Variants in FCSK observed in about 807,000 individuals in gnomAD.
FCSK encodes L-fucose kinase.
In FCSK, 123 loss-of-function variants were observed where a neutral mutation model predicts 122.5. The ratio of observed to expected loss-of-function variants is 1.00; its 90% CI spans 0.87 to 1.17. The LOEUF (loss-of-function observed/expected upper bound fraction) is 1.17. Ranked by LOEUF, FCSK falls within the 50% of genes most tolerant of loss-of-function variation. The probability of loss-of-function intolerance (pLI) is 0.00; values close to 1 mark genes in which losing one functional copy is unlikely to be tolerated. For synonymous variants in FCSK, 620 were observed against 625.5 expected, an observed-to-expected ratio of 0.99 and a Z score of 0.13; for missense variants, 1,366 against 1,450.4, an observed-to-expected ratio of 0.94 and a Z score of 0.95.
rs1348893135 is a variant in FCSK, at chr16:70,469,253, T to C, written c.885T>C (p.Asp295=). 1.2e-6 allele frequency: 2 copies of C among 1,613,662 alleles called. No individual in the cohort carries two copies. The highest frequency in any genetic ancestry group is 2.2e-5 in the East Asian group (1 of 44,888). ...RPPELGQGDA[D]VAGYLQSARA... ...CAGAGTTGGGGCAAGGCGATGCAGA[T>C]GTAGCGGGTTATCTGCAGAGCGCCC... Residue 295 remains aspartate, a synonymous_variant, in exon 10 of 24, where the codon GAT becomes GAC. Transcript: ENST00000288078.
At chr16:70,459,072 C>T (rs2048181119) in intron 1 of FCSK, among the ~76,000 whole-genome samples, 1 of 151,342 alleles carries the variant, frequency 6.6e-6, no homozygotes, top group African/African-American at 2.4e-5. Flanking sequence ...ACAGTGAAAA[C>T]CTTAGCTAGG....
rs568946395 is a variant in FCSK at position 70,468,735 on chromosome 16, C to G, written c.664-114C>G. On this transcript the variant is annotated intron_variant, in intron 8 of 23. Coordinates refer to ENST00000288078, the MANE Select transcript of FCSK (RefSeq NM_145059.3). Reference sequence around the variant, plus strand: ...CTGGAGTGGTCAGAAGGTGACACTCCCTGCCTGGTATGGCACTCAGCTTCA... The same window carrying G: ...CTGGAGTGGTCAGAAGGTGACACTCGCTGCCTGGTATGGCACTCAGCTTCA... 4.4e-6 allele frequency: 6 copies of G among 1,364,348 alleles called. No individual in the cohort carries two copies. In the East Asian group the frequency reaches 1.4e-4, roughly 31 times the overall value. 84.5% of individuals were successfully genotyped at this position (1,364,348 alleles called of 1,614,324 possible).
chr16:70,478,145 C>A, intron 20 of FCSK, 127 bp from the exon 21 acceptor site: 1 of 833,038 alleles, frequency 1.2e-6, no homozygotes, highest in Non-Finnish European at 1.9e-6. Flanking sequence ...AGCTCACTGT[C>A]CTGTGGAGTT....
chr16:70,460,899 C>T (rs2048245569), intron 1 of FCSK, among the ~76,000 whole-genome samples: 1 of 152,196 alleles, frequency 6.6e-6, no homozygotes, highest in African/African-American at 2.4e-5. Flanking sequence ...TGCAGCTGAC[C>T]TGAGGGTTAG....
intron 2 of FCSK, 118 bp downstream of exon 2, chr16:70,463,390 C>A: frequency 1.1e-6 from 1 of 936,776 alleles, no homozygotes; most frequent in East Asian, 2.5e-5. Context: ...TTGCACTTCT[C>A]CCTAGCCATG....
At chr16:70,467,235 G>T in intron 6 of FCSK, 139 bp from the exon 7 acceptor site, 1 of 646,426 alleles carries the variant, frequency 1.5e-6, no homozygotes. Flanking sequence ...CCAGGCGAAT[G>T]TCCATTTGGC....
Position 70,471,251 on chromosome 16 carries a change from G to A in FCSK, c.1240G>A (p.Gly414Ser). Reference protein sequence around the residue: ...LDTAHSKALHGRELRDLVLQG... With the variant: ...LDTAHSKALHSRELRDLVLQG... ...TACAGCCCACTCCAAGGCCCTGCAT[G>A]GCCGGGAGCTGCGTGACCTTGTCCT... The change falls in exon 13 of 24, where the codon GGC becomes AGC. Residue 414 changes from glycine (G) to serine (S), a missense_variant. Gly to Ser is a moderately conservative substitution (Grantham distance 56). Transcript: ENST00000288078. 6.2e-7 allele frequency: 1 copy of A among 1,610,646 alleles called. No individual in the cohort carries two copies.
intron 1 of FCSK, among the ~76,000 whole-genome samples, chr16:70,456,547 G>T (rs1411555003): frequency 6.6e-6 from 1 of 152,180 alleles, no homozygotes; most frequent in Non-Finnish European, 1.5e-5. Context: ...AGAGCTTCCA[G>T]TCCTTCCTCC....
At position 70,469,792 on chromosome 16, in the gene FCSK, C is replaced by T. The variant is rs868615408; in HGVS notation, c.955+469C>T. Among the ~76,000 whole-genome samples, 20 of 151,710 alleles carry T rather than the reference C, an allele frequency of 1.3e-4. 1 individual carries two copies. Among genetic ancestry groups the T allele is most frequent in the Admixed American group, 2.0e-4 (3 of 15,266 alleles). On this transcript the variant is annotated intron_variant, in intron 10 of 23. Coordinates refer to ENST00000288078, the MANE Select transcript of FCSK (RefSeq NM_145059.3). ...AGGTGACCCGCCTGCCTTGGCCTCC[C>T]GAAGTGCTGGGCTTACAGGCATGAG...
Position 70,468,845 on chromosome 16 carries a change from C to G in FCSK, c.664-4C>G. The G allele has an allele frequency of 6.2e-7, 1 of 1,614,022 alleles. No individual in the cohort carries two copies. The highest frequency in any genetic ancestry group is 8.5e-7 in the Non-Finnish European group (1 of 1,179,992). ...ATCTCTGATCCTTTTGGGGTCCCTT[C>G]CAGGTCTCTGGGGTTGTCTTCTTCT... On this transcript the variant is annotated splice_region_variant and splice_polypyrimidine_tract_variant and intron_variant, in intron 8 of 23. Transcript: ENST00000288078.
chr16:70,472,714 T>C, intron 14 of FCSK, 109 bp downstream of exon 14: 2 of 951,628 alleles, frequency 2.1e-6, no homozygotes, highest in Non-Finnish European at 3.1e-6. Context: ...CGTGTTACCA[T>C]CCAGGGGCCT....
intron 20 of FCSK, chr16:70,476,087 C>G (rs1354476195): frequency 5.4e-6 from 1 of 184,778 alleles, no homozygotes; most frequent in Non-Finnish European, 1.1e-5. Flanking sequence ...GCTGCAAGCT[C>G]TGCCTCCCGG....
intron 8 of FCSK, 83 bp from the exon 9 acceptor site, chr16:70,468,766 C>A: frequency 6.5e-7 from 1 of 1,545,222 alleles, no homozygotes; most frequent in African/African-American, 1.4e-5. Context: ...CTTCATGTGG[C>A]CCATCTGCAT....
Position 70,468,973 on chromosome 16 carries a change from CTG to C in FCSK, c.783+6_783+7del. The C allele has an allele frequency of 6.2e-7, 1 of 1,612,824 alleles. No individual in the cohort carries two copies. On this transcript the variant is annotated splice_donor_region_variant and intron_variant, in intron 9 of 23. Coordinates refer to ENST00000288078, the MANE Select transcript of FCSK (RefSeq NM_145059.3). The stretch of plus-strand genomic sequence containing the variant: ...TCCGGAGCCCGGCCTGTCCAGGTGA[CTG>C]GGGGAGGGCAGCTAGGTGGGGCCTG...
chr16:70,479,147 C>A (rs1279406057), intron 22 of FCSK, 33 bp from the exon 23 acceptor site: 1 of 1,532,088 alleles, frequency 6.5e-7, no homozygotes, highest in Admixed American at 1.7e-5. Flanking sequence ...GTATCTTGGC[C>A]CAGGCACGTC....
intron 22 of FCSK, 57 bp downstream of exon 22, chr16:70,478,707 T>C (rs1597644376): frequency 6.8e-7 from 1 of 1,468,582 alleles, no homozygotes; most frequent in East Asian, 2.3e-5. Context: ...CTGTCACTTG[T>C]GGGTTTGAGG....
chr16:70,469,127 G>A, intron 9 of FCSK, 25 bp from the exon 10 acceptor site: 1 of 1,613,630 alleles, frequency 6.2e-7, no homozygotes, highest in Non-Finnish European at 8.5e-7. Context: ...CATGCCAATA[G>A]CTGTGCTTCT....
chr16:70,472,123 A>G (rs923972034), intron 13 of FCSK, among the ~76,000 whole-genome samples: 5 of 151,798 alleles, frequency 3.3e-5, no homozygotes, highest in African/African-American at 1.2e-4. Context: ...GGGGGTTTTT[A>G]TCCTTATTTG....
At chr16:70,463,381 T>C (rs749067299) in intron 2 of FCSK, 109 bp downstream of exon 2, 8 of 979,056 alleles carry the variant, frequency 8.2e-6, no homozygotes, top group Non-Finnish European at 1.1e-5. Context: ...AAACCCAGAT[T>C]GCACTTCTCC....
Sources: gnomAD v4.1 joint callset for allele counts (sites outside exome capture counted in the v4.1 genomes callset) on GRCh38, gnomAD v4.1.1 for gene constraint, MANE v1.5 for transcripts, NCBI Gene and HGNC (gene_info 2026-07-23, HGNC 2026-07-21) for gene names.